KCNB2: variants seen among roughly 807,000 people sequenced by gnomAD.
KCNB2 encodes potassium voltage-gated channel subfamily B member 2.
In KCNB2, 15 loss-of-function variants were observed where a neutral mutation model predicts 61.5. The observed-to-expected ratio is 0.24, with a 90% CI of 0.16 to 0.38. The LOEUF (loss-of-function observed/expected upper bound fraction) is 0.38, where lower values mean the gene tolerates loss of function less well. KCNB2 is among the 10% of genes least tolerant of loss of function. The pLI is 1.00. For missense variants in KCNB2, 828 were observed against 1,125.2 expected, an observed-to-expected ratio of 0.74 and a Z score of 3.78; for synonymous variants, 457 against 446.0, an observed-to-expected ratio of 1.02 and a Z score of -0.31.
intron 2 of KCNB2, among the ~76,000 whole-genome samples, chr8:72,687,924 G>A (rs1457315614): frequency 6.6e-6 from 1 of 152,190 alleles, no homozygotes; most frequent in Non-Finnish European, 1.5e-5. Flanking sequence ...GATCCTACAT[G>A]GGGCAGCTGG....
chr8:72,664,954 T>C (rs937342471), intron 2 of KCNB2, among the ~76,000 whole-genome samples: 1 of 151,598 alleles, frequency 6.6e-6, no homozygotes, highest in Admixed American at 6.6e-5. Flanking sequence ...CAGTATAATA[T>C]AGACAGAAAA....
intron 2 of KCNB2, among the ~76,000 whole-genome samples, chr8:72,698,666 G>T (rs141918210): frequency 3.9e-5 from 6 of 151,974 alleles, no homozygotes; most frequent in African/African-American, 4.8e-5. Context: ...AAAAACAGAC[G>T]CATATACCAA....
chr8:72,681,536 A>G (rs1806754236), intron 2 of KCNB2, among the ~76,000 whole-genome samples: 1 of 152,144 alleles, frequency 6.6e-6, no homozygotes, highest in Non-Finnish European at 1.5e-5. Flanking sequence ...CTTCTTCTGG[A>G]ACACCTCTGA....
intron 2 of KCNB2, among the ~76,000 whole-genome samples, chr8:72,923,026 G>T (rs1044484053): frequency 6.6e-6 from 1 of 151,418 alleles, no homozygotes; most frequent in African/African-American, 2.4e-5. Flanking sequence ...GTGGGGGTTG[G>T]GGGGTGGGGG....
At chr8:72,739,063 T>C (rs1262132854) in intron 2 of KCNB2, among the ~76,000 whole-genome samples, 1 of 152,158 alleles carries the variant, frequency 6.6e-6, no homozygotes. Context: ...GGCTTTAGGA[T>C]ATATTGTGGG....
chr8:72,808,025 G>A (rs560949016), intron 2 of KCNB2, among the ~76,000 whole-genome samples: 11 of 152,244 alleles, frequency 7.2e-5, no homozygotes, highest in Middle Eastern at 3.4e-3. Context: ...ACAATCTCCC[G>A]ATGCTAATCT....
At chr8:72,547,605 G>A (rs570904143) in intron 1 of KCNB2, among the ~76,000 whole-genome samples, 5 of 152,294 alleles carry the variant, frequency 3.3e-5, no homozygotes, top group African/African-American at 1.2e-4. Flanking sequence ...GTGGAGAGAA[G>A]GAGAATTAGA....
intron 2 of KCNB2, among the ~76,000 whole-genome samples, chr8:72,591,678 A>G (rs192899578): frequency 2.8e-4 from 43 of 152,288 alleles, no homozygotes; most frequent in African/African-American, 1.0e-3. Context: ...CAAGAAAGAT[A>G]AGATTCCTAT....
In KCNB2 at chr8:72,604,390, G is replaced by A. The variant is rs535679602; in HGVS notation, c.579+36077G>A. Reference sequence around the variant, plus strand: ...TTATGACATAGCAGAAAGAATCAGTGCTCAGAAAAACAAAAACCTTGAGAT... The same window carrying A: ...TTATGACATAGCAGAAAGAATCAGTACTCAGAAAAACAAAAACCTTGAGAT... On this transcript the variant is annotated intron_variant, in intron 2 of 2. Coordinates refer to ENST00000523207, the MANE Select transcript of KCNB2 (RefSeq NM_004770.3). Among the ~76,000 whole-genome samples the A allele has an allele frequency of 1.7e-3, 255 of 152,210 alleles. 1 individual carries two copies. The highest frequency in any genetic ancestry group is 5.8e-3 in the African/African-American group (239 of 41,532).
chr8:72,783,879 A>G (rs541978168), intron 2 of KCNB2, among the ~76,000 whole-genome samples: 1 of 152,190 alleles, frequency 6.6e-6, no homozygotes, highest in East Asian at 1.9e-4. Context: ...CCATGACCTC[A>G]TTCCTATGCT....
intron 2 of KCNB2, among the ~76,000 whole-genome samples, chr8:72,582,534 G>A (rs1341844325): frequency 6.6e-6 from 1 of 152,214 alleles, no homozygotes; most frequent in Non-Finnish European, 1.5e-5. Context: ...TAAGTCCAGA[G>A]TTTGAATCAA....
intron 2 of KCNB2, among the ~76,000 whole-genome samples, chr8:72,720,949 A>T (rs998141139): frequency 1.3e-5 from 2 of 152,198 alleles, no homozygotes; most frequent in Admixed American, 6.5e-5. Context: ...TTAAGTCTTC[A>T]CATTTTGTTT....
chr8:72,857,633 A>G (rs1240946967), intron 2 of KCNB2, among the ~76,000 whole-genome samples: 1 of 152,116 alleles, frequency 6.6e-6, no homozygotes, highest in Non-Finnish European at 1.5e-5. Flanking sequence ...AGTGGAAGCA[A>G]TGGGGCAAGG....
chr8:72,789,294 T>G (rs994432278), intron 2 of KCNB2, among the ~76,000 whole-genome samples: 4 of 152,192 alleles, frequency 2.6e-5, no homozygotes, highest in African/African-American at 9.7e-5. Context: ...TTAGAGAGAC[T>G]AGGTGTCTTG....
chr8:72,817,978 T>C (rs377697824), intron 2 of KCNB2, among the ~76,000 whole-genome samples: 1 of 152,100 alleles, frequency 6.6e-6, no homozygotes, highest in East Asian at 1.9e-4. Context: ...GAAATCTGAG[T>C]TGGGGAGGAA....
chr8:72,859,111 T>C (rs1810252387), intron 2 of KCNB2, among the ~76,000 whole-genome samples: 1 of 152,144 alleles, frequency 6.6e-6, no homozygotes, highest in East Asian at 1.9e-4. Flanking sequence ...TCAGAGAGAG[T>C]AGTACCTCTC....
intron 2 of KCNB2, among the ~76,000 whole-genome samples, chr8:72,570,278 T>A (rs1478768970): frequency 6.6e-6 from 1 of 152,192 alleles, no homozygotes; most frequent in Admixed American, 6.5e-5. Flanking sequence ...AAATTTTATG[T>A]AGTTATAAAT....
At chr8:72,571,829 T>C (rs1806715480) in intron 2 of KCNB2, among the ~76,000 whole-genome samples, 1 of 152,198 alleles carries the variant, frequency 6.6e-6, no homozygotes, top group Non-Finnish European at 1.5e-5. Context: ...TTGCTGCCAG[T>C]TTCCTGGGCA....
intron 2 of KCNB2, among the ~76,000 whole-genome samples, chr8:72,668,242 A>C (rs1197248647): frequency 3.9e-5 from 6 of 152,144 alleles, no homozygotes; most frequent in Non-Finnish European, 8.8e-5. Flanking sequence ...CAAGGTTTTT[A>C]TTGGGGATCA....
Sources: allele counts gnomAD v4.1 joint callset (sites outside exome capture counted in the v4.1 genomes callset), GRCh38; gene constraint gnomAD v4.1.1; transcripts MANE v1.5; gene names NCBI Gene and HGNC (gene_info 2026-07-23, HGNC 2026-07-21).